Variants in GLIS3 observed in about 807,000 individuals in gnomAD.
The protein encoded by GLIS3 is zinc finger protein GLIS3.
GLIS3 carries 53 observed loss-of-function variants against 78.6 expected under a neutral mutation model. The observed-to-expected ratio is 0.67, with a 90% CI of 0.54 to 0.85. The LOEUF (loss-of-function observed/expected upper bound fraction) is 0.85. Among genes scored for constraint, GLIS3 ranks in the 40% least tolerant of loss-of-function variants. GLIS3 has a pLI of 0.00. For synonymous variants in GLIS3, 684 were observed against 509.9 expected, an observed-to-expected ratio of 1.34 and a Z score of -4.60; for missense variants, 1,703 against 1,231.1, an observed-to-expected ratio of 1.38 and a Z score of -5.74.
chr9:4,170,054 G>A (rs1564145648), intron 2 of GLIS3, among the ~76,000 whole-genome samples: 4 of 152,058 alleles, frequency 2.6e-5, no homozygotes, highest in African/African-American at 7.3e-5. Context: ...AGTAAATCAC[G>A]GATATAGAAA....
At chr9:4,169,614 G>A (rs7025138) in intron 2 of GLIS3, among the ~76,000 whole-genome samples, 63,714 of 151,714 alleles carry the variant, frequency 0.42, 14,767 homozygotes, top group East Asian at 0.66. Flanking sequence ...GATTTTCACA[G>A]TTGTACTGTA....
At chr9:3,848,002 C>T (rs182364209) in intron 9 of GLIS3, among the ~76,000 whole-genome samples, 6 of 152,286 alleles carry the variant, frequency 3.9e-5, no homozygotes, top group African/African-American at 1.4e-4. Flanking sequence ...GTGAATATGT[C>T]ACAACTTTCT....
chr9:4,330,993 C>G (rs1435598966), intron 2 of GLIS3, among the ~76,000 whole-genome samples: 3 of 152,218 alleles, frequency 2.0e-5, no homozygotes, highest in African/African-American at 7.2e-5. Flanking sequence ...ACATGCATGT[C>G]ACCATAAGAC....
the GLIS3 span, among the ~76,000 whole-genome samples, chr9:4,389,064 A>C: frequency 6.6e-5 from 10 of 152,342 alleles, no homozygotes; most frequent in African/African-American, 2.2e-4. Context: ...CAGCCTCCGT[A>C]AGCCTGAATT....
intron 4 of GLIS3, among the ~76,000 whole-genome samples, chr9:4,020,378 C>G (rs1489799234): frequency 1.3e-5 from 2 of 152,162 alleles, no homozygotes; most frequent in Non-Finnish European, 2.9e-5. Flanking sequence ...CACTGCCACT[C>G]TTCCTGGCAG....
intron 2 of GLIS3, among the ~76,000 whole-genome samples, chr9:4,192,496 T>A (rs768847688): frequency 6.6e-6 from 1 of 152,216 alleles, no homozygotes; most frequent in African/African-American, 2.4e-5. Flanking sequence ...ACTCAACACA[T>A]TCCTATGTTA....
intron 6 of GLIS3, among the ~76,000 whole-genome samples, chr9:3,931,883 C>T (rs907339235): frequency 6.6e-6 from 1 of 152,184 alleles, no homozygotes; most frequent in Non-Finnish European, 1.5e-5. Flanking sequence ...AAAGAATGCT[C>T]TCTACTTGTC....
At chr9:4,473,445 C>G in the GLIS3 span, among the ~76,000 whole-genome samples, 2 of 49,598 alleles carry the variant, frequency 4.0e-5, no homozygotes, top group Non-Finnish European at 1.5e-4. Context: ...GACTCCATCT[C>G]AACAACAACA....
At chr9:4,221,120 C>A (rs1053492326) in intron 2 of GLIS3, among the ~76,000 whole-genome samples, 2 of 152,040 alleles carry the variant, frequency 1.3e-5, no homozygotes, top group African/African-American at 4.8e-5. Flanking sequence ...GGTTGTAAGA[C>A]AAAATGCCTA....
intron 2 of GLIS3, among the ~76,000 whole-genome samples, chr9:4,162,182 C>G (rs1259030970): frequency 6.6e-6 from 1 of 152,170 alleles, no homozygotes; most frequent in South Asian, 2.1e-4. Flanking sequence ...CTTCTGTGTT[C>G]ACCCTGCATT....
At chr9:4,256,227 A>G (rs1014042828) in intron 2 of GLIS3, among the ~76,000 whole-genome samples, 23 of 152,146 alleles carry the variant, frequency 1.5e-4, no homozygotes, top group Non-Finnish European at 2.8e-4. Context: ...ATTTAATTCT[A>G]ATTTGGGGGA....
At chr9:4,386,297 T>C in the GLIS3 span, 3 of 152,226 alleles carry the variant, frequency 2.0e-5, no homozygotes, top group Admixed American at 2.0e-4. Context: ...AGGGCTGCAA[T>C]GAACATTTTC....
intron 2 of GLIS3, among the ~76,000 whole-genome samples, chr9:4,345,952 T>C (rs1451741405): frequency 6.6e-6 from 1 of 152,212 alleles, no homozygotes; most frequent in African/African-American, 2.4e-5. Context: ...GAATATTCAA[T>C]ATTCAAAAAG....
At chr9:4,438,726 C>T in the GLIS3 span, among the ~76,000 whole-genome samples, 2 of 152,174 alleles carry the variant, frequency 1.3e-5, no homozygotes, top group African/African-American at 4.8e-5. Flanking sequence ...CTCACAAGAT[C>T]TGATTGTTCT....
At chr9:3,914,763 A>G (rs904149177) in intron 6 of GLIS3, among the ~76,000 whole-genome samples, 3 of 152,168 alleles carry the variant, frequency 2.0e-5, no homozygotes, top group African/African-American at 7.2e-5. Context: ...TGTTTGACAG[A>G]CTACACAGCC....
At chr9:4,476,262 T>A in the GLIS3 span, among the ~76,000 whole-genome samples, 1 of 152,226 alleles carries the variant, frequency 6.6e-6, no homozygotes, top group African/African-American at 2.4e-5. Context: ...TTACAGTATC[T>A]TTTAAATATA....
chr9:4,094,029 C>A (rs1469755323), intron 4 of GLIS3, among the ~76,000 whole-genome samples: 2 of 152,120 alleles, frequency 1.3e-5, no homozygotes, highest in South Asian at 2.1e-4. Context: ...CAGTTTCCTG[C>A]AAATATCTGA....
intron 3 of GLIS3, among the ~76,000 whole-genome samples, chr9:4,309,349 T>A (rs1349126151): frequency 6.6e-6 from 1 of 152,226 alleles, no homozygotes; most frequent in Non-Finnish European, 1.5e-5. Context: ...AATACTTTTT[T>A]AAAAAACAAG....
chr9:4,214,371 T>C (rs1030800055), intron 2 of GLIS3, among the ~76,000 whole-genome samples: 1 of 152,234 alleles, frequency 6.6e-6, no homozygotes, highest in Non-Finnish European at 1.5e-5. Context: ...TCTTCTGGAT[T>C]ACTTAGTGTC....
Sources: allele counts gnomAD v4.1 joint callset (sites outside exome capture counted in the v4.1 genomes callset), GRCh38; gene constraint gnomAD v4.1.1; transcripts MANE v1.5; gene names NCBI Gene and HGNC (gene_info 2026-07-23, HGNC 2026-07-21).